The following GRIK2 variants were observed in gnomAD, a reference collection of about 807,000 sequenced individuals.
The protein encoded by GRIK2 is glutamate receptor ionotropic, kainate 2.
GRIK2 carries 32 observed loss-of-function variants against 100.3 expected under a neutral mutation model. That is an observed-to-expected ratio of 0.32 (90% CI 0.24 to 0.43). GRIK2 has a LOEUF of 0.43. Ranked by LOEUF, GRIK2 falls within the 20% of genes least tolerant of loss-of-function variation. GRIK2 has a pLI of 1.00. For missense variants in GRIK2, 843 were observed against 1,114.9 expected, an observed-to-expected ratio of 0.76 and a Z score of 3.47; for synonymous variants, 417 against 389.4, an observed-to-expected ratio of 1.07 and a Z score of -0.83.
chr6:101,552,209 G>T (rs1776545642), intron 2 of GRIK2, among the ~76,000 whole-genome samples: 1 of 152,138 alleles, frequency 6.6e-6, no homozygotes, highest in Non-Finnish European at 1.5e-5. Context: ...TCATTTGGCA[G>T]TTGAGAAAAT....
intron 2 of GRIK2, among the ~76,000 whole-genome samples, chr6:101,547,998 G>T (rs1014212600): frequency 7.4e-4 from 112 of 151,886 alleles, no homozygotes; most frequent in African/African-American, 2.3e-3. Flanking sequence ...CCTGACTTTT[G>T]AATGATTGCC....
intron 10 of GRIK2, among the ~76,000 whole-genome samples, chr6:101,822,541 G>T (rs1381694243): frequency 6.6e-6 from 1 of 152,008 alleles, no homozygotes; most frequent in African/African-American, 2.4e-5. Context: ...CTAATGCCTC[G>T]ATCTGCTTCT....
At chr6:101,903,062 A>G (rs940522146) in intron 12 of GRIK2, among the ~76,000 whole-genome samples, 13 of 151,868 alleles carry the variant, frequency 8.6e-5, no homozygotes, top group Non-Finnish European at 1.3e-4. Context: ...AAGGCCAGGC[A>G]TTTTATCTGT....
At chr6:101,729,898 G>T (rs537391171) in intron 7 of GRIK2, among the ~76,000 whole-genome samples, 1 of 151,804 alleles carries the variant, frequency 6.6e-6, no homozygotes, top group African/African-American at 2.4e-5. Context: ...AAAACCACAG[G>T]CATTATCTAT....
chr6:101,433,172 G>T (rs970898557), intron 2 of GRIK2, among the ~76,000 whole-genome samples: 1 of 152,102 alleles, frequency 6.6e-6, no homozygotes, highest in Non-Finnish European at 1.5e-5. Context: ...AACTACTCTT[G>T]TTGCCGTTGT....
intron 7 of GRIK2, among the ~76,000 whole-genome samples, chr6:101,768,135 A>T (rs1415553560): frequency 3.3e-5 from 5 of 152,200 alleles, no homozygotes; most frequent in African/African-American, 4.8e-5. Flanking sequence ...CTGGGATTAC[A>T]GGCATGAGCC....
rs986271055 is a variant in GRIK2 at position 101,998,800 on chromosome 6, C to A, written c.2086-36541C>A. Reference sequence around the variant, plus strand: ...CTTGAGCGTATATGTGTGAGTTTTTCTTTTTTCTTTTCTTTTTTTTTTTTT... The same window carrying A: ...CTTGAGCGTATATGTGTGAGTTTTTATTTTTTCTTTTCTTTTTTTTTTTTT... On this transcript the variant is annotated intron_variant, in intron 14 of 16. Coordinates refer to ENST00000369134, the MANE Select transcript of GRIK2 (RefSeq NM_021956.5). Among the ~76,000 whole-genome samples the A allele has an allele frequency of 3.7e-5, 5 of 133,736 alleles. 1 individual carries two copies. The East Asian group carries it at 1.1e-3, about 30-fold the overall frequency. 87.7% of individuals were successfully genotyped at this position (133,736 alleles called of 152,430 possible). A position where few individuals can be genotyped will look rare whatever the true frequency, so the allele number is the denominator to read the frequency against.
At position 101,556,359 on chromosome 6, in the gene GRIK2, G is replaced by A. The variant is rs1160879930; in HGVS notation, c.116-65590G>A. Among the ~76,000 whole-genome samples the A allele has an allele frequency of 4.7e-3, 158 of 33,828 alleles. 2 individuals are homozygous for A. Among genetic ancestry groups the A allele is most frequent in the Middle Eastern group, 0.05 (1 of 20 alleles). 22.2% of individuals were successfully genotyped at this position (33,828 alleles called of 152,430 possible). A position where few individuals can be genotyped will look rare whatever the true frequency, so the allele number is the denominator to read the frequency against. On this transcript the variant is annotated intron_variant, in intron 2 of 16. Transcript: ENST00000369134. ...TTTTTTTTTTTTTTTTTTTGAGACCGAGTCTCGCTCTGTCGCCCAGGCTGG... is the reference window on the plus strand; with the variant it reads ...TTTTTTTTTTTTTTTTTTTGAGACCAAGTCTCGCTCTGTCGCCCAGGCTGG...
intron 2 of GRIK2, among the ~76,000 whole-genome samples, chr6:101,427,779 A>G (rs926824606): frequency 3.9e-5 from 6 of 152,138 alleles, no homozygotes; most frequent in African/African-American, 1.4e-4. Flanking sequence ...TTCTGTGTTT[A>G]GTCAGTCTGT....
intron 7 of GRIK2, among the ~76,000 whole-genome samples, chr6:101,790,431 T>C (rs1182822256): frequency 1.3e-5 from 2 of 152,056 alleles, no homozygotes; most frequent in Non-Finnish European, 2.9e-5. Flanking sequence ...TGTTGAATTT[T>C]GTCAAAGGCT....
Position 101,829,328 on chromosome 6 carries a change from C to T in GRIK2, c.1317+10845C>T, listed in dbSNP as rs564016580. ...AGGTTGGAAGCATGGCCCTTAAGAA[C>T]TGGAACAAGACAAGGATATCCACTC... On this transcript the variant is annotated intron_variant, in intron 10 of 16. Transcript: ENST00000369134. Among the ~76,000 whole-genome samples the T allele has an allele frequency of 4.6e-5, 7 of 152,110 alleles. No individual in the cohort carries two copies. In the South Asian group the frequency reaches 1.4e-3, roughly 31 times the overall value.
intron 2 of GRIK2, among the ~76,000 whole-genome samples, chr6:101,547,435 C>T (rs1470647003): frequency 1.3e-5 from 2 of 152,140 alleles, no homozygotes; most frequent in Non-Finnish European, 1.5e-5. Context: ...CGTCATTTAA[C>T]ATTAGATATA....
chr6:101,436,132 TAC>T (rs768816341), intron 2 of GRIK2, among the ~76,000 whole-genome samples: 10 of 152,140 alleles, frequency 6.6e-5, no homozygotes, highest in Non-Finnish European at 7.4e-5. Flanking sequence ...CTATTCAGAG[TAC>T]AGTTTTTCAG....
chr6:102,014,872 A>C (rs1795750807), intron 14 of GRIK2, among the ~76,000 whole-genome samples: 1 of 152,094 alleles, frequency 6.6e-6, no homozygotes, highest in Non-Finnish European at 1.5e-5. Context: ...TTGATTTTAG[A>C]GTATATGACA....
intron 7 of GRIK2, among the ~76,000 whole-genome samples, chr6:101,745,937 C>A (rs1031770011): frequency 1.3e-5 from 2 of 152,124 alleles, no homozygotes; most frequent in Non-Finnish European, 2.9e-5. Flanking sequence ...CCACAATTCT[C>A]GTCTCCTAAC....
intron 7 of GRIK2, among the ~76,000 whole-genome samples, chr6:101,789,130 C>T (rs373352122): frequency 1.2e-4 from 19 of 152,070 alleles, no homozygotes; most frequent in East Asian, 1.9e-4. Context: ...GAGTAGGTTG[C>T]GAAAATTTTC....
At chr6:101,411,355 A>T (rs2852515) in intron 2 of GRIK2, among the ~76,000 whole-genome samples, 13,957 of 152,158 alleles carry the variant, frequency 0.092, 685 homozygotes, top group South Asian at 0.14. Flanking sequence ...TTTATATCAG[A>T]GGAAAGGGGC....
intron 7 of GRIK2, among the ~76,000 whole-genome samples, chr6:101,789,219 C>G (rs985891832): frequency 3.3e-5 from 5 of 152,172 alleles, no homozygotes; most frequent in Non-Finnish European, 7.4e-5. Flanking sequence ...AATTAGATCC[C>G]ATTTGTCAAT....
chr6:101,932,864 A>G (rs1340280), intron 14 of GRIK2, among the ~76,000 whole-genome samples: 5,216 of 152,030 alleles, frequency 0.034, 319 homozygotes, highest in African/African-American at 0.12. Flanking sequence ...CTTCTCACAG[A>G]AACTTGAGAG....
Sources: allele counts gnomAD v4.1 joint callset (sites outside exome capture counted in the v4.1 genomes callset), GRCh38; gene constraint gnomAD v4.1.1; transcripts MANE v1.5; gene names NCBI Gene and HGNC (gene_info 2026-07-23, HGNC 2026-07-21).